TAFA1: variants seen among roughly 807,000 people sequenced by gnomAD.
The protein encoded by TAFA1 is TAFA chemokine like family member 1, also known as chemokine-like protein TAFA-1.
Under a neutral mutation model 18.5 loss-of-function variants are expected in TAFA1, and 4 were observed. The ratio of observed to expected loss-of-function variants is 0.22; its 90% CI spans 0.11 to 0.49. TAFA1 has a LOEUF of 0.49. Among genes scored for constraint, TAFA1 ranks in the 20% least tolerant of loss-of-function variants. The pLI, the probability that TAFA1 is intolerant of heterozygous loss-of-function variation, is 0.98. For missense variants in TAFA1, 147 were observed against 169.0 expected, an observed-to-expected ratio of 0.87 and a Z score of 0.72; for synonymous variants, 56 against 55.2, an observed-to-expected ratio of 1.01 and a Z score of -0.06.
chr3:68,473,028 A>T (rs1471233529), intron 3 of TAFA1, among the ~76,000 whole-genome samples: 3 of 152,148 alleles, frequency 2.0e-5, no homozygotes, highest in East Asian at 3.9e-4. Flanking sequence ...ATCTCGAAGT[A>T]ATTGCCAACA....
intron 3 of TAFA1, among the ~76,000 whole-genome samples, chr3:68,479,207 G>A (rs1250760512): frequency 7.6e-6 from 1 of 130,962 alleles, no homozygotes; most frequent in East Asian, 2.3e-4. Flanking sequence ...CTCCAGCCTG[G>A]TGACAAAGTG....
chr3:68,289,057 GCTC>G (rs2068066304), intron 2 of TAFA1, among the ~76,000 whole-genome samples: 1 of 152,166 alleles, frequency 6.6e-6, no homozygotes, highest in Non-Finnish European at 1.5e-5. Context: ...TAAATGTACA[GCTC>G]AATGAATTTT....
At chr3:68,117,187 A>G (rs1450344670) in intron 2 of TAFA1, among the ~76,000 whole-genome samples, 1 of 152,174 alleles carries the variant, frequency 6.6e-6, no homozygotes, top group East Asian at 1.9e-4. Flanking sequence ...TCCTCATTGC[A>G]TTATTAAGTA....
intron 2 of TAFA1, among the ~76,000 whole-genome samples, chr3:68,184,699 A>C (rs1445361648): frequency 2.0e-5 from 3 of 152,142 alleles, no homozygotes; most frequent in Non-Finnish European, 4.4e-5. Context: ...AAATGAGCAA[A>C]GGTTAACTAC....
chr3:68,401,427 A>T (rs182372835), intron 2 of TAFA1, among the ~76,000 whole-genome samples: 96 of 152,328 alleles, frequency 6.3e-4, no homozygotes, highest in African/African-American at 2.3e-3. Context: ...ATCAAGAGAA[A>T]AACGCATTGA....
intron 2 of TAFA1, among the ~76,000 whole-genome samples, chr3:68,276,641 C>T (rs2067803431): frequency 6.6e-6 from 1 of 152,144 alleles, no homozygotes; most frequent in Non-Finnish European, 1.5e-5. Context: ...TCTGATGAGA[C>T]ATCCATCAAT....
At chr3:68,310,388 T>C (rs962196807) in intron 2 of TAFA1, among the ~76,000 whole-genome samples, 1 of 152,202 alleles carries the variant, frequency 6.6e-6, no homozygotes, top group Admixed American at 6.5e-5. Context: ...TGGTGAATTA[T>C]TGCCATGAAT....
intron 2 of TAFA1, among the ~76,000 whole-genome samples, chr3:68,233,149 C>CT (rs2066891609): frequency 6.6e-6 from 1 of 151,930 alleles, no homozygotes; most frequent in Non-Finnish European, 1.5e-5. Context: ...TTTTGTATAT[C>CT]TTTTTTGAGA....
At chr3:68,453,592 A>G (rs2071604389) in intron 3 of TAFA1, among the ~76,000 whole-genome samples, 1 of 152,232 alleles carries the variant, frequency 6.6e-6, no homozygotes, top group African/African-American at 2.4e-5. Context: ...TAGAATATCA[A>G]TTCTATCTAA....
At chr3:68,193,291 A>G (rs144031419) in intron 2 of TAFA1, among the ~76,000 whole-genome samples, 153 of 151,948 alleles carry the variant, frequency 1.0e-3, no homozygotes, top group Middle Eastern at 3.4e-3. Flanking sequence ...AACATGGATT[A>G]TTTTGTAATA....
At chr3:68,461,587 A>G (rs527485972) in intron 3 of TAFA1, among the ~76,000 whole-genome samples, 6 of 151,506 alleles carry the variant, frequency 4.0e-5, no homozygotes, top group African/African-American at 1.5e-4. Flanking sequence ...TGTTCCTTTC[A>G]TAAGGAAACT....
intron 3 of TAFA1, among the ~76,000 whole-genome samples, chr3:68,510,538 C>T (rs1173891396): frequency 6.6e-6 from 1 of 152,118 alleles, no homozygotes; most frequent in African/African-American, 2.4e-5. Flanking sequence ...TTCCCAGTTG[C>T]ATGTTTTGGG....
chr3:68,042,180 C>T (rs969045476), intron 2 of TAFA1, among the ~76,000 whole-genome samples: 1 of 152,154 alleles, frequency 6.6e-6, no homozygotes, highest in Non-Finnish European at 1.5e-5. Context: ...GCATTACCTG[C>T]CTTGAGCCTG....
intron 2 of TAFA1, among the ~76,000 whole-genome samples, chr3:68,370,869 A>C (rs970297295): frequency 6.7e-6 from 1 of 149,496 alleles, no homozygotes; most frequent in Non-Finnish European, 1.5e-5. Flanking sequence ...TTAATTAACT[A>C]TGATCATGTG....
intron 2 of TAFA1, among the ~76,000 whole-genome samples, chr3:68,049,011 A>T (rs1018763201): frequency 6.6e-6 from 1 of 152,072 alleles, no homozygotes; most frequent in Non-Finnish European, 1.5e-5. Flanking sequence ...CGGAAGTTCT[A>T]TTTTTAGTTT....
At chr3:68,164,631 G>GTGTGTGTA (rs1491337439) in intron 2 of TAFA1, among the ~76,000 whole-genome samples, 2 of 566 alleles carry the variant, frequency 3.5e-3, no homozygotes, top group Non-Finnish European at 0.011. Flanking sequence ...CTTTTGCAAC[G>GTGTGTGTA]TGTGTGTGTG....
At chr3:68,184,087 A>T (rs1414129767) in intron 2 of TAFA1, among the ~76,000 whole-genome samples, 3 of 152,134 alleles carry the variant, frequency 2.0e-5, no homozygotes, top group Admixed American at 2.0e-4. Flanking sequence ...TCTCCAGGAT[A>T]GCGATATGAC....
the TAFA1 span, among the ~76,000 whole-genome samples, chr3:67,996,616 T>G: frequency 6.6e-6 from 1 of 151,962 alleles, no homozygotes; most frequent in South Asian, 2.1e-4. Flanking sequence ...CTGGCCAACA[T>G]GATGAAACCC....
intron 3 of TAFA1, among the ~76,000 whole-genome samples, chr3:68,456,717 G>C (rs2071672763): frequency 6.6e-6 from 1 of 152,116 alleles, no homozygotes; most frequent in African/African-American, 2.4e-5. Context: ...ATATGAAAAG[G>C]TATCTTGCAA....
Sources: allele counts gnomAD v4.1 joint callset (sites outside exome capture counted in the v4.1 genomes callset), GRCh38; gene constraint gnomAD v4.1.1; transcripts MANE v1.5; gene names NCBI Gene and HGNC (gene_info 2026-07-23, HGNC 2026-07-21).